The following OXSR1 variants were observed in gnomAD, a reference collection of about 807,000 sequenced individuals.
OXSR1 encodes oxidative stress responsive kinase 1.
Under a neutral mutation model 79.8 loss-of-function variants are expected in OXSR1, and 24 were observed. The ratio of observed to expected loss-of-function variants is 0.30; its 90% CI spans 0.22 to 0.42. The LOEUF is 0.42. Among genes scored for constraint, OXSR1 ranks in the 10% least tolerant of loss-of-function variants. The probability of loss-of-function intolerance (pLI) is 1.00; values close to 1 mark genes in which losing one functional copy is unlikely to be tolerated. For missense variants in OXSR1, 430 were observed against 618.4 expected, an observed-to-expected ratio of 0.70 and a Z score of 3.23; for synonymous variants, 226 against 209.2, an observed-to-expected ratio of 1.08 and a Z score of -0.69.
intron 4 of OXSR1, among the ~76,000 whole-genome samples, chr3:38,207,739 G>T (rs905590547): frequency 6.6e-6 from 1 of 152,128 alleles, no homozygotes; most frequent in African/African-American, 2.4e-5. Flanking sequence ...ACTTTTGTTC[G>T]CATCACAGTG....
intron 5 of OXSR1, among the ~76,000 whole-genome samples, chr3:38,221,212 GA>G (rs1003490958): frequency 6.6e-6 from 1 of 152,082 alleles, no homozygotes; most frequent in African/African-American, 2.4e-5. Flanking sequence ...GAGCAAGGGG[GA>G]AAATCTGAGA....
intron 11 of OXSR1, among the ~76,000 whole-genome samples, chr3:38,239,435 T>C (rs917640119): frequency 1.3e-5 from 2 of 152,202 alleles, no homozygotes; most frequent in African/African-American, 4.8e-5. Context: ...TAGATCTTGC[T>C]TTTATGATTT....
chr3:38,164,803 C>A (rs1399149733), upstream of OXSR1, among the ~76,000 whole-genome samples: 2 of 152,146 alleles, frequency 1.3e-5, no homozygotes, highest in African/African-American at 4.8e-5. Flanking sequence ...AGAACCCGCC[C>A]AGTGCAGGGT....
intron 1 of OXSR1, among the ~76,000 whole-genome samples, chr3:38,170,924 G>A (rs1046420003): frequency 4.6e-5 from 7 of 152,154 alleles, no homozygotes; most frequent in African/African-American, 1.7e-4. Flanking sequence ...CTACAGGCAT[G>A]TGCCACCATG....
Position 38,230,559 on chromosome 3 carries a change from T to C in OXSR1, c.951+129T>C, listed in dbSNP as rs956148339. 6 of 659,200 alleles carry C rather than the reference T, an allele frequency of 9.1e-6. No homozygotes were observed. In the South Asian group the frequency reaches 1.1e-4, roughly 12 times the overall value. 40.8% of individuals were successfully genotyped at this position (659,200 alleles called of 1,614,324 possible). A position where few individuals can be genotyped will look rare whatever the true frequency, so the allele number is the denominator to read the frequency against. On this transcript the variant is annotated intron_variant, in intron 10 of 17. Coordinates refer to ENST00000311806, the MANE Select transcript of OXSR1 (RefSeq NM_005109.3). ...TTTTCTGTCGATCCTTTCTAAAGCA[T>C]TCTTTGATACATTCATTCAGCAAAT...
At position 38,207,932 on chromosome 3, in the gene OXSR1, TTTCCTTCC is replaced by T. The variant is rs1202436620; in HGVS notation, c.435-8141_435-8134del. Among the ~76,000 whole-genome samples, 300 of 95,148 alleles carry T rather than the reference TTTCCTTCC, an allele frequency of 3.2e-3. 1 individual carries two copies. Among genetic ancestry groups the T allele is most frequent in the African/African-American group, 0.011 (270 of 23,958 alleles). The allele number at this position is 95,148 out of a possible 152,430, so 62.4% of individuals were successfully genotyped here. ...TCCCCCTCCCCTCCCCTCCCCTCCC[TTTCCTTCC>T]TTCCTTCCTTCCTTCCTTCCTTTCT... On this transcript the variant is annotated intron_variant, in intron 4 of 17. Coordinates refer to ENST00000311806, the MANE Select transcript of OXSR1 (RefSeq NM_005109.3).
intron 11 of OXSR1, among the ~76,000 whole-genome samples, chr3:38,241,169 A>G (rs1027952045): frequency 1.2e-4 from 18 of 152,218 alleles, no homozygotes; most frequent in African/African-American, 4.3e-4. Flanking sequence ...AACATCACCA[A>G]TGAGGGGCAG....
intron 1 of OXSR1, among the ~76,000 whole-genome samples, chr3:38,168,343 C>G (rs575956128): frequency 6.6e-6 from 1 of 152,102 alleles, no homozygotes; most frequent in African/African-American, 2.4e-5. Context: ...TGCTTTCTTA[C>G]GAGTTAATCC....
chr3:38,210,231 C>T (rs1160593326), intron 4 of OXSR1, among the ~76,000 whole-genome samples: 1 of 152,018 alleles, frequency 6.6e-6, no homozygotes, highest in African/African-American at 2.4e-5. Flanking sequence ...TTTAGTGAGC[C>T]TGTGCTCCTG....
intron 4 of OXSR1, among the ~76,000 whole-genome samples, chr3:38,207,932 T>TTTCCTTCCTTCCTTCCTTCC (rs1202436620): frequency 7.4e-5 from 7 of 95,124 alleles, no homozygotes; most frequent in African/African-American, 2.1e-4. Flanking sequence ...CTCCCCTCCC[T>TTTCCTTCCTTCCTTCCTTCC]TTCCTTCCTT....
chr3:38,178,665 A>G (rs1484836179), intron 1 of OXSR1, among the ~76,000 whole-genome samples: 2 of 130,176 alleles, frequency 1.5e-5, no homozygotes, highest in African/African-American at 5.8e-5. Flanking sequence ...TTTTGTAGAG[A>G]TGAGGTTTCA....
intron 4 of OXSR1, among the ~76,000 whole-genome samples, chr3:38,202,261 T>C (rs995752640): frequency 1.3e-5 from 2 of 152,232 alleles, no homozygotes; most frequent in Non-Finnish European, 2.9e-5. Flanking sequence ...AGGGATTGTC[T>C]CTGTGATTGT....
Position 38,229,678 on chromosome 3 carries a change from T to C in OXSR1, c.837-9T>C. 3 of 1,608,928 alleles carry C rather than the reference T, an allele frequency of 1.9e-6. No homozygotes were observed. The highest frequency in any genetic ancestry group is 1.1e-5 in the South Asian group (1 of 90,350). ...TAAAAACTTTTCTTCCCTCCCTTCC[T>C]GGTTTTAGACCAACAGCAGCAGAAC... On this transcript the variant is annotated splice_polypyrimidine_tract_variant and intron_variant, in intron 8 of 17. Coordinates refer to ENST00000311806, the MANE Select transcript of OXSR1 (RefSeq NM_005109.3).
At chr3:38,212,446 C>A (rs557414717) in intron 4 of OXSR1, among the ~76,000 whole-genome samples, 3 of 152,182 alleles carry the variant, frequency 2.0e-5, no homozygotes, top group African/African-American at 7.2e-5. Context: ...CTGTATCTAC[C>A]CAAATATTTT....
At chr3:38,166,282 G>C (rs1024479122) in intron 1 of OXSR1, among the ~76,000 whole-genome samples, 1 of 152,160 alleles carries the variant, frequency 6.6e-6, no homozygotes, top group Non-Finnish European at 1.5e-5. Flanking sequence ...TTCCGAGGCT[G>C]TGTGAGAAAT....
intron 3 of OXSR1, among the ~76,000 whole-genome samples, chr3:38,197,413 A>T (rs1453082464): frequency 1.3e-5 from 2 of 152,102 alleles, no homozygotes; most frequent in African/African-American, 4.8e-5. Context: ...CTTCTTCCTC[A>T]CTTGGTGTGG....
chr3:38,223,764 A>T (rs974948265), intron 6 of OXSR1, 48 bp from the exon 7 acceptor site: 3 of 1,405,532 alleles, frequency 2.1e-6, no homozygotes, highest in Non-Finnish European at 3.0e-6. Flanking sequence ...CTAACTTTTA[A>T]AAGTCCTTTT....
At chr3:38,203,017 T>A (rs1702191729) in intron 4 of OXSR1, among the ~76,000 whole-genome samples, 1 of 152,192 alleles carries the variant, frequency 6.6e-6, no homozygotes, top group Non-Finnish European at 1.5e-5. Context: ...TCCGGAGGCC[T>A]AAACCCCTCC....
intron 3 of OXSR1, among the ~76,000 whole-genome samples, chr3:38,192,348 GCCAATACT>G (rs566527765): frequency 2.8e-4 from 42 of 152,246 alleles, no homozygotes; most frequent in African/African-American, 1.0e-3. Flanking sequence ...CCCTGAATCA[GCCAATACT>G]CTAATGAGCT....
Sources: gnomAD v4.1 joint callset for allele counts (sites outside exome capture counted in the v4.1 genomes callset) on GRCh38, gnomAD v4.1.1 for gene constraint, MANE v1.5 for transcripts, NCBI Gene and HGNC (gene_info 2026-07-23, HGNC 2026-07-21) for gene names.